CD4: variants seen among roughly 807,000 people sequenced by gnomAD.
CD4 encodes the protein T-cell surface glycoprotein CD4.
Under a neutral mutation model 50.5 loss-of-function variants are expected in CD4, and 25 were observed. That is an observed-to-expected ratio of 0.49 (90% CI 0.36 to 0.69). CD4 has a LOEUF of 0.69. Ranked by LOEUF, CD4 falls within the 30% of genes least tolerant of loss-of-function variation. CD4 has a pLI of 0.00. For missense variants in CD4, 456 were observed against 548.5 expected (o/e 0.83, Z 1.68); for synonymous variants, 207 against 221.9 (o/e 0.93, Z 0.60).
intron 3 of CD4, among the ~76,000 whole-genome samples, chr12:6,804,111 AAAATAAATAAAT>A (rs141689932): frequency 0.28 from 40,744 of 144,520 alleles, 6,208 homozygotes; most frequent in Admixed American, 0.34. Flanking sequence ...ACTCTGTCTC[AAAATAAATAAAT>A]AAATAAATAA....
chr12:6,817,412 C>T (rs1406956884), intron 7 of CD4, 82 bp downstream of exon 7: 7 of 1,191,128 alleles, frequency 5.9e-6, no homozygotes, highest in Non-Finnish European at 8.4e-6. Context: ...AGAGTCCCGG[C>T]CTCCCAATGC....
intron 9 of CD4, 116 bp from the exon 10 acceptor site, chr12:6,819,183 G>T (rs781847691): frequency 1.9e-6 from 2 of 1,032,314 alleles, no homozygotes; most frequent in Non-Finnish European, 3.0e-6. Flanking sequence ...GGCCAGGAAA[G>T]GCCCTGCTGG....
chr12:6,791,863 G>A (rs1942172571), intron 1 of CD4, among the ~76,000 whole-genome samples: 1 of 152,190 alleles, frequency 6.6e-6, no homozygotes, highest in African/African-American at 2.4e-5. Context: ...GCCTGGGCGA[G>A]AGTGAGGCCC....
chr12:6,808,692 A>T (rs1297845821), intron 3 of CD4, among the ~76,000 whole-genome samples: 1 of 152,122 alleles, frequency 6.6e-6, no homozygotes, highest in African/African-American at 2.4e-5. Context: ...CCATCAAATT[A>T]ATTGTCCCCT....
Position 6,818,751 on chromosome 12 carries a change from T to C in CD4, c.1279-96T>C. ...TAGATGGCCTGGGCCATGTAACTGC[T>C]TCTCCTGTCGCAGCTTCCCCCACTC... On this transcript the variant is annotated intron_variant, in intron 8 of 9. Coordinates refer to ENST00000011653, the MANE Select transcript of CD4 (RefSeq NM_000616.5). The surrounding 1 kb of genome is among the most constrained non-coding windows in gnomAD (Gnocchi z 5.0). The C allele has an allele frequency of 4.0e-6, 5 of 1,259,490 alleles. No individual in the cohort carries two copies. The highest frequency in any genetic ancestry group is 5.8e-6 in the Non-Finnish European group (5 of 859,174). 78.0% of individuals were successfully genotyped at this position (1,259,490 alleles called of 1,614,324 possible). A position where few individuals can be genotyped will look rare whatever the true frequency, so the allele number is the denominator to read the frequency against.
Position 6,817,233 on chromosome 12 carries a change from G to C in CD4, c.1059G>C (p.Lys353Asn), listed in dbSNP as rs782580927. 2.5e-6 allele frequency: 4 copies of C among 1,611,768 alleles called. No individual in the cohort carries two copies. The highest frequency in any genetic ancestry group is 3.4e-6 in the Non-Finnish European group (4 of 1,178,784). ...AGAACAAGGAGGCAAAGGTCTCGAAGCGGGAGAAGGCGGTGTGGGTGCTGA... is the reference window on the plus strand; with the variant it reads ...AGAACAAGGAGGCAAAGGTCTCGAACCGGGAGAAGGCGGTGTGGGTGCTGA... ...KLENKEAKVSKREKAVWVLNP... is the reference protein window; with the variant it reads ...KLENKEAKVSNREKAVWVLNP... The change falls in exon 7 of 10, where the codon AAG becomes AAC. Residue 353 changes from lysine to asparagine, a missense_variant. By Grantham distance (94) the Lys-to-Asn change is moderately conservative (BLOSUM62 0). Coordinates refer to ENST00000011653, the MANE Select transcript of CD4 (RefSeq NM_000616.5).
chr12:6,808,769 G>A (rs1942849474), intron 3 of CD4, among the ~76,000 whole-genome samples: 1 of 151,912 alleles, frequency 6.6e-6, no homozygotes. Flanking sequence ...TATTATTTTT[G>A]TAGCTAAATT....
In CD4 at chr12:6,814,152, G is replaced by C; in HGVS notation, c.225G>C (p.Lys75Asn). The stretch of plus-strand genomic sequence containing the variant: ...GTCTTCTGCTCCCAGGTCCATCCAA[G>C]CTGAATGATCGCGCTGACTCAAGAA... Reference protein sequence around the residue: ...QGSFLTKGPSKLNDRADSRRS... With the variant: ...QGSFLTKGPSNLNDRADSRRS... Residue 75 changes from lysine (K) to asparagine (N), a missense_variant, in exon 4 of 10, where the codon AAG becomes AAC. Transcript: ENST00000011653. 6.2e-7 allele frequency: 1 copy of C among 1,613,920 alleles called. No homozygotes were observed. The highest frequency in any genetic ancestry group is 1.1e-5 in the South Asian group (1 of 91,062).
chr12:6,810,119 C>A (rs1055566054), intron 3 of CD4, among the ~76,000 whole-genome samples: 1 of 151,958 alleles, frequency 6.6e-6, no homozygotes, highest in Non-Finnish European at 1.5e-5. Context: ...TGAACTCCTG[C>A]CCTCAGGTGA....
In CD4 at chr12:6,818,959, G is replaced by C; in HGVS notation, c.1346+45G>C. The C allele has an allele frequency of 1.2e-6, 1 of 816,648 alleles. No homozygotes were observed. The highest frequency in any genetic ancestry group is 2.0e-6 in the Non-Finnish European group (1 of 503,924). The allele number at this position is 816,648 out of a possible 1,614,324, so 50.6% of individuals were successfully genotyped here. ...GGTTGAGAGAGGGGAAAGGGGGAGG[G>C]GGAGGGAGTTAGAGAGGAGGGGGAG... On this transcript the variant is annotated intron_variant, in intron 9 of 9. Transcript: ENST00000011653. The surrounding 1 kb of genome is among the most constrained non-coding windows in gnomAD (Gnocchi z 5.0).
intron 3 of CD4, among the ~76,000 whole-genome samples, chr12:6,810,676 C>T (rs1378781292): frequency 1.3e-5 from 2 of 152,112 alleles, no homozygotes; most frequent in African/African-American, 4.8e-5. Context: ...AGGGGAGGAA[C>T]AAAAGAGGCG....
intron 1 of CD4, among the ~76,000 whole-genome samples, chr12:6,795,258 ATCTG>A (rs982714996): frequency 7.9e-5 from 12 of 151,958 alleles, no homozygotes; most frequent in Admixed American, 2.0e-4. Context: ...AATCTATCTA[ATCTG>A]TCTATCTAAT....
intron 3 of CD4, among the ~76,000 whole-genome samples, chr12:6,805,570 A>AAAG (rs1942723458): frequency 6.6e-6 from 1 of 151,874 alleles, no homozygotes; most frequent in Admixed American, 6.6e-5. Flanking sequence ...CCCGAAAAAA[A>AAAG]AAAAAAGAAA....
At position 6,818,817 on chromosome 12, in the gene CD4, C is replaced by T. The variant is rs1555118537; in HGVS notation, c.1279-30C>T. On this transcript the variant is annotated intron_variant, in intron 8 of 9. Coordinates refer to ENST00000011653, the MANE Select transcript of CD4 (RefSeq NM_000616.5). The surrounding 1 kb of genome is among the most constrained non-coding windows in gnomAD (Gnocchi z 5.0). Reference sequence around the variant, plus strand: ...ACCTCCCTTCTGGAGGCCTGGGACCCTCGTGACTCCCTTTCTTGTCCCTGG... The same window carrying T: ...ACCTCCCTTCTGGAGGCCTGGGACCTTCGTGACTCCCTTTCTTGTCCCTGG... 2.5e-6 allele frequency: 4 copies of T among 1,604,676 alleles called. No individual in the cohort carries two copies. The South Asian group carries it at 4.4e-5, about 18-fold the overall frequency.
chr12:6,818,320 G>C lies in CD4; in HGVS notation c.1157-101G>C. ...ACCCCTCCCCTCTCCCCCAACCCCAGGGTCAAACCAGAGACTGGCCAGGAG... is the reference window on the plus strand; with the variant it reads ...ACCCCTCCCCTCTCCCCCAACCCCACGGTCAAACCAGAGACTGGCCAGGAG... On this transcript the variant is annotated intron_variant, in intron 7 of 9. Coordinates refer to ENST00000011653, the MANE Select transcript of CD4 (RefSeq NM_000616.5). This position sits in a 1 kb window ranked among gnomAD's most constrained non-coding sequence, Gnocchi z 5.0. The C allele has an allele frequency of 9.6e-6, 14 of 1,459,644 alleles. No individual in the cohort carries two copies. The highest frequency in any genetic ancestry group is 2.3e-5 in the East Asian group (1 of 42,864). 90.4% of individuals were successfully genotyped at this position (1,459,644 alleles called of 1,614,324 possible). A position where few individuals can be genotyped will look rare whatever the true frequency, so the allele number is the denominator to read the frequency against.
intron 1 of CD4, among the ~76,000 whole-genome samples, chr12:6,795,495 G>A (rs888692865): frequency 6.6e-6 from 1 of 152,218 alleles, no homozygotes; most frequent in African/African-American, 2.4e-5. Context: ...CACAGATTGT[G>A]TCTTAGTGCC....
At chr12:6,819,249 A>G in intron 9 of CD4, 50 bp from the exon 10 acceptor site, 1 of 1,602,176 alleles carries the variant, frequency 6.2e-7, no homozygotes. Flanking sequence ...TAGAACGCAA[A>G]GGGGTTGCAG....
intron 3 of CD4, among the ~76,000 whole-genome samples, chr12:6,805,103 GA>G (rs1467817700): frequency 0.018 from 10 of 548 alleles, no homozygotes; most frequent in African/African-American, 0.044. Flanking sequence ...AGGATTGCTT[GA>G]GCCCTAGGAG....
At chr12:6,794,790 T>C (rs1371821887) in intron 1 of CD4, among the ~76,000 whole-genome samples, 2 of 128,890 alleles carry the variant, frequency 1.6e-5, no homozygotes, top group African/African-American at 6.7e-5. Context: ...TTTTTTGTTT[T>C]TTTTTTTTTT....
Sources: gnomAD v4.1 joint callset for allele counts (sites outside exome capture counted in the v4.1 genomes callset) on GRCh38, gnomAD v4.1.1 for gene constraint, Gnocchi (gnomAD v3.1) non-coding constraint, MANE v1.5 for transcripts, NCBI Gene and HGNC (gene_info 2026-07-23, HGNC 2026-07-21) for gene names.